The following PRKCB variants were observed in gnomAD, a reference collection of about 807,000 sequenced individuals.
PRKCB encodes protein kinase C beta.
PRKCB carries 13 observed loss-of-function variants against 81.5 expected under a neutral mutation model. The observed-to-expected ratio is 0.16, with a 90% confidence interval of 0.10 to 0.25. PRKCB has a LOEUF of 0.25. Ranked by LOEUF, PRKCB falls within the 10% of genes least tolerant of loss-of-function variation. The pLI, the probability that PRKCB is intolerant of heterozygous loss-of-function variation, is 1.00. For missense variants in PRKCB, 509 were observed against 875.7 expected (o/e 0.58, Z 5.29); for synonymous variants, 335 against 321.4 (o/e 1.04, Z -0.45).
intron 14 of PRKCB, 115 bp from the exon 15 acceptor site, chr16:24,185,345 G>T: frequency 8.3e-7 from 1 of 1,209,118 alleles, no homozygotes. Context: ...TCATTTGAAA[G>T]CCTGGGTGTG....
At chr16:24,166,812 A>G (rs198207) in intron 10 of PRKCB, among the ~76,000 whole-genome samples, 57,742 of 152,068 alleles carry the variant, frequency 0.38, 11,568 homozygotes, top group African/African-American at 0.51. Flanking sequence ...TAGCTTAGGC[A>G]CTGGTGTGTT....
chr16:23,882,955 C>G (rs1007832185), intron 2 of PRKCB, among the ~76,000 whole-genome samples: 1 of 151,932 alleles, frequency 6.6e-6, no homozygotes, highest in African/African-American at 2.4e-5. Context: ...GAAACTGTCT[C>G]GGGAAGATTT....
chr16:23,844,194 T>A (rs533498648), intron 2 of PRKCB, among the ~76,000 whole-genome samples: 2 of 152,348 alleles, frequency 1.3e-5, no homozygotes, highest in African/African-American at 4.8e-5. Context: ...GTCCCTTATG[T>A]TCTGGCATTT....
chr16:23,888,347 A>G (rs573233791), intron 2 of PRKCB, among the ~76,000 whole-genome samples: 1 of 152,276 alleles, frequency 6.6e-6, no homozygotes, highest in Admixed American at 6.5e-5. Flanking sequence ...GAGTGGGCCT[A>G]TTGGCTCCAT....
intron 9 of PRKCB, among the ~76,000 whole-genome samples, chr16:24,139,681 T>G (rs1381008982): frequency 6.6e-6 from 1 of 152,260 alleles, no homozygotes; most frequent in East Asian, 1.9e-4. Flanking sequence ...GAAATCTTAA[T>G]GCAACCTGTC....
At chr16:23,863,777 G>A (rs1962725379) in intron 2 of PRKCB, among the ~76,000 whole-genome samples, 1 of 152,124 alleles carries the variant, frequency 6.6e-6, no homozygotes, top group Admixed American at 6.5e-5. Context: ...AGTAGACAAT[G>A]TTCCAGGCAG....
At chr16:24,168,716 A>ATTTT (rs945320742) in intron 10 of PRKCB, among the ~76,000 whole-genome samples, 2 of 74,518 alleles carry the variant, frequency 2.7e-5, no homozygotes, top group Non-Finnish European at 5.9e-5. Context: ...ATGCCTGGCT[A>ATTTT]TTTTTTTTTT....
chr16:23,921,305 A>G (rs966225358), intron 2 of PRKCB, among the ~76,000 whole-genome samples: 2 of 152,158 alleles, frequency 1.3e-5, no homozygotes, highest in African/African-American at 2.4e-5. Context: ...GGCAATATTA[A>G]TAAGACCCAC....
intron 2 of PRKCB, among the ~76,000 whole-genome samples, chr16:23,950,123 A>G (rs983405371): frequency 7.9e-5 from 8 of 100,800 alleles, no homozygotes; most frequent in Non-Finnish European, 3.9e-5. Flanking sequence ...ATTGGCCCCT[A>G]TGATTTGAAT....
intron 9 of PRKCB, among the ~76,000 whole-genome samples, chr16:24,148,560 CCT>C (rs1967027810): frequency 6.6e-6 from 1 of 152,120 alleles, no homozygotes; most frequent in African/African-American, 2.4e-5. Flanking sequence ...ATCTCTGTTG[CCT>C]CTCTCAGTTG....
At chr16:24,135,657 C>T (rs777988617) in intron 9 of PRKCB, among the ~76,000 whole-genome samples, 1 of 152,042 alleles carries the variant, frequency 6.6e-6, no homozygotes, top group Admixed American at 6.6e-5. Flanking sequence ...CAGATTTTAA[C>T]AGGAAGAAAT....
intron 2 of PRKCB, among the ~76,000 whole-genome samples, chr16:23,979,201 C>T (rs555296112): frequency 6.6e-6 from 1 of 152,230 alleles, no homozygotes; most frequent in African/African-American, 2.4e-5. Flanking sequence ...TGAGACACAG[C>T]AAAGACAATG....
At chr16:23,911,127 G>GTTT (rs1567310884) in intron 2 of PRKCB, among the ~76,000 whole-genome samples, 3 of 11,786 alleles carry the variant, frequency 2.5e-4, no homozygotes, top group East Asian at 2.7e-3. Flanking sequence ...ACGTATATAT[G>GTTT]CTTTTTTTTT....
At chr16:24,107,948 C>CA (rs1323991506) in intron 7 of PRKCB, among the ~76,000 whole-genome samples, 2 of 152,154 alleles carry the variant, frequency 1.3e-5, no homozygotes, top group Non-Finnish European at 2.9e-5. Flanking sequence ...CCCAAGAAAG[C>CA]AATTATTTTG....
intron 2 of PRKCB, among the ~76,000 whole-genome samples, chr16:23,985,910 G>C (rs1372168718): frequency 6.6e-6 from 1 of 152,088 alleles, no homozygotes; most frequent in African/African-American, 2.4e-5. Flanking sequence ...ACAGACCCCA[G>C]TATATATAAT....
intron 5 of PRKCB, among the ~76,000 whole-genome samples, chr16:24,075,578 C>T (rs1191144730): frequency 2.6e-5 from 4 of 152,188 alleles, no homozygotes; most frequent in African/African-American, 9.7e-5. Context: ...TTGGCATCAG[C>T]TATTCTGCTG....
intron 5 of PRKCB, among the ~76,000 whole-genome samples, chr16:24,069,032 C>A (rs9924238): frequency 0.016 from 2,490 of 152,252 alleles, 68 homozygotes; most frequent in African/African-American, 0.056. Context: ...TTGTAACATT[C>A]CTATGAGCCA....
chr16:24,068,290 T>A (rs1257125188), intron 5 of PRKCB, among the ~76,000 whole-genome samples: 1 of 152,064 alleles, frequency 6.6e-6, no homozygotes, highest in East Asian at 1.9e-4. Flanking sequence ...TAGCGTTGAG[T>A]TCACTTCTCT....
chr16:23,976,256 C>G (rs1036118435), intron 2 of PRKCB, among the ~76,000 whole-genome samples: 2 of 152,098 alleles, frequency 1.3e-5, no homozygotes, highest in African/African-American at 4.8e-5. Context: ...CATAATCGCA[C>G]CATTGCACTC....
Sources: allele counts gnomAD v4.1 joint callset (sites outside exome capture counted in the v4.1 genomes callset), GRCh38; gene constraint gnomAD v4.1.1; transcripts MANE v1.5; gene names NCBI Gene and HGNC (gene_info 2026-07-23, HGNC 2026-07-21).